Variants in TRPM3 observed in about 807,000 individuals in gnomAD.
TRPM3 encodes the protein transient receptor potential cation channel subfamily M member 3, also known as long transient receptor potential channel 3.
A neutral mutation model predicts 181.2 loss-of-function variants in TRPM3; 77 were observed. The ratio of observed to expected loss-of-function variants is 0.42; its 90% CI spans 0.35 to 0.51. The LOEUF (loss-of-function observed/expected upper bound fraction) is 0.51. TRPM3 is among the 20% of genes least tolerant of loss of function. The probability of loss-of-function intolerance (pLI) is 0.01; values close to 1 mark genes in which losing one functional copy is unlikely to be tolerated. For missense variants in TRPM3, 1,759 were observed against 2,196.7 expected (o/e 0.80, Z 3.98); for synonymous variants, 745 against 796.4 (o/e 0.94, Z 1.09).
chr9:71,290,426 C>A lies in TRPM3; in HGVS notation c.183+156227G>T, dbSNP rs151025685. 1.2e-4 allele frequency among the ~76,000 whole-genome samples: 19 copies of A among 152,008 alleles called. No homozygotes were observed. In the East Asian group the frequency reaches 3.7e-3, roughly 29 times the overall value. ...CTTGAAACCAGTATTTGGAATAATA[C>A]GTTTTAAATACTGAGAAAGAAATAG... On this transcript the variant is annotated intron_variant, in intron 1 of 24. Coordinates refer to the TRPM3 transcript ENST00000357533.
At chr9:71,196,791 A>AT (rs1176956410) in intron 1 of TRPM3, among the ~76,000 whole-genome samples, 7 of 152,040 alleles carry the variant, frequency 4.6e-5, no homozygotes, top group Non-Finnish European at 1.0e-4. Flanking sequence ...ATTTTGAGCC[A>AT]TTTTTCATGA....
upstream of TRPM3, among the ~76,000 whole-genome samples, chr9:71,122,688 C>T (rs1004199087): frequency 7.2e-5 from 11 of 152,268 alleles, no homozygotes; most frequent in South Asian, 2.3e-3. Context: ...ACAGGCCCAC[C>T]CCAGCATGAA....
chr9:71,147,523 T>C (rs934885509), intron 1 of TRPM3, among the ~76,000 whole-genome samples: 2 of 151,866 alleles, frequency 1.3e-5, no homozygotes, highest in Non-Finnish European at 2.9e-5. Context: ...TCAACTGCTC[T>C]TCCTTATAAG....
intron 25 of TRPM3, among the ~76,000 whole-genome samples, chr9:70,545,067 G>A (rs958201374): frequency 6.6e-6 from 1 of 152,056 alleles, no homozygotes; most frequent in African/African-American, 2.4e-5. Flanking sequence ...TTATGAATGG[G>A]GACATAGGTT....
chr9:70,605,078 C>T (rs565854639), intron 19 of TRPM3, among the ~76,000 whole-genome samples: 18 of 151,652 alleles, frequency 1.2e-4, no homozygotes, highest in Admixed American at 7.2e-4. Context: ...CCTCAGCCTC[C>T]GGAGTAGCTG....
chr9:70,545,843 C>A (rs1288793771), intron 25 of TRPM3, among the ~76,000 whole-genome samples: 1 of 152,096 alleles, frequency 6.6e-6, no homozygotes, highest in Non-Finnish European at 1.5e-5. Context: ...CCACTGCACC[C>A]GGCCTTAATA....
intron 1 of TRPM3, among the ~76,000 whole-genome samples, chr9:71,238,453 AG>A (rs1424487552): frequency 6.6e-6 from 1 of 152,194 alleles, no homozygotes; most frequent in Non-Finnish European, 1.5e-5. Context: ...GGGAGCCCTC[AG>A]TTAATTTTGG....
chr9:70,783,840 G>T, intron 7 of TRPM3: 1 of 1,108,420 alleles, frequency 9.0e-7, no homozygotes, highest in Non-Finnish European at 1.1e-6. Context: ...AGAAAAAGGA[G>T]ACCACAGCCT....
chr9:71,050,223 G>A (rs965642448), intron 1 of TRPM3, among the ~76,000 whole-genome samples: 15 of 152,094 alleles, frequency 9.9e-5, no homozygotes, highest in African/African-American at 3.4e-4. Context: ...TTGTGGGTAT[G>A]GAATATGATG....
chr9:70,535,670 G>C lies in TRPM3; in HGVS notation c.*283C>G, dbSNP rs1339420228. 6 of 1,439,848 alleles carry C rather than the reference G, an allele frequency of 4.2e-6. No homozygotes were observed. Among genetic ancestry groups the C allele is most frequent in the Non-Finnish European group, 4.5e-6 (5 of 1,104,902 alleles). The allele number at this position is 1,439,848 out of a possible 1,614,324, so 89.2% of individuals were successfully genotyped here. On this transcript the variant is annotated 3_prime_UTR_variant, in exon 26 of 26. Transcript: ENST00000677713. Reference sequence around the variant, plus strand: ...TCTCATGGCTTTCTGCTGTGACTGCGGATACACATTCATCTCTAACCCTTC... The same window carrying C: ...TCTCATGGCTTTCTGCTGTGACTGCCGATACACATTCATCTCTAACCCTTC...
intron 6 of TRPM3, among the ~76,000 whole-genome samples, chr9:70,785,234 C>A (rs912838154): frequency 6.6e-6 from 1 of 152,184 alleles, no homozygotes; most frequent in Non-Finnish European, 1.5e-5. Flanking sequence ...GAAGACATTG[C>A]TGTTTTCAGG....
At chr9:70,671,913 G>A (rs2063012738) in intron 9 of TRPM3, among the ~76,000 whole-genome samples, 1 of 147,562 alleles carries the variant, frequency 6.8e-6, no homozygotes, top group Non-Finnish European at 1.5e-5. Context: ...ACAGGCATGT[G>A]CCACCATGTC....
At chr9:70,677,389 A>G (rs1385206018) in intron 9 of TRPM3, among the ~76,000 whole-genome samples, 1 of 152,256 alleles carries the variant, frequency 6.6e-6, no homozygotes, top group Non-Finnish European at 1.5e-5. Context: ...CTGCAGGAGC[A>G]GTAACAGAGC....
intron 1 of TRPM3, among the ~76,000 whole-genome samples, chr9:70,979,251 A>G (rs2097338372): frequency 6.6e-6 from 1 of 152,206 alleles, no homozygotes; most frequent in Admixed American, 6.5e-5. Context: ...AGACCTGGCC[A>G]GACATGGGGC....
chr9:70,593,848 A>G (rs2058538038), intron 21 of TRPM3, among the ~76,000 whole-genome samples: 1 of 147,712 alleles, frequency 6.8e-6, no homozygotes, highest in South Asian at 2.1e-4. Context: ...TATAATATAT[A>G]TTATATAATT....
At chr9:70,998,210 TACACATATATATACATATAC>T (rs1445462245) in intron 1 of TRPM3, among the ~76,000 whole-genome samples, 3 of 144,280 alleles carry the variant, frequency 2.1e-5, no homozygotes, top group Non-Finnish European at 4.5e-5. Flanking sequence ...TACATATATA[TACACATATATATACATATAC>T]ACACACACAC....
At chr9:71,411,093 G>A (rs980120237) in intron 1 of TRPM3, among the ~76,000 whole-genome samples, 4 of 152,212 alleles carry the variant, frequency 2.6e-5, no homozygotes, top group Non-Finnish European at 4.4e-5. Flanking sequence ...GGTATTGATG[G>A]GACGTATTTC....
chr9:71,398,606 C>T lies in TRPM3; in HGVS notation c.183+48047G>A, dbSNP rs561067671. ...TCTCTTCTGCTCCACCAAGGTAAAA[C>T]GTGCTTATTTCCCCTTTGCCTTCCA... On this transcript the variant is annotated intron_variant, in intron 1 of 24. Transcript: ENST00000357533. 5.3e-5 allele frequency among the ~76,000 whole-genome samples: 8 copies of T among 152,160 alleles called. No individual in the cohort carries two copies. The South Asian group carries it at 1.7e-3, about 31-fold the overall frequency.
At chr9:71,267,132 G>C (rs1269739344) in intron 1 of TRPM3, among the ~76,000 whole-genome samples, 1 of 151,598 alleles carries the variant, frequency 6.6e-6, no homozygotes, top group African/African-American at 2.4e-5. Flanking sequence ...TTCACCTCCT[G>C]CCCCCTTCCT....
Sources: gnomAD v4.1 joint callset for allele counts (sites outside exome capture counted in the v4.1 genomes callset) on GRCh38, gnomAD v4.1.1 for gene constraint, MANE v1.5 for transcripts, NCBI Gene and HGNC (gene_info 2026-07-23, HGNC 2026-07-21) for gene names.